MYO1D: variants seen among roughly 807,000 people sequenced by gnomAD.
MYO1D encodes unconventional myosin-Id.
In MYO1D, 83 loss-of-function variants were observed where a neutral mutation model predicts 122.0. That is an observed-to-expected ratio of 0.68 (90% CI 0.57 to 0.82). MYO1D has a LOEUF of 0.82. Ranked by LOEUF, MYO1D falls within the 40% of genes least tolerant of loss-of-function variation. MYO1D has a pLI of 0.00. For synonymous variants in MYO1D, 464 were observed against 446.9 expected, an observed-to-expected ratio of 1.04 and a Z score of -0.48; for missense variants, 1,157 against 1,269.5, an observed-to-expected ratio of 0.91 and a Z score of 1.35.
intron 20 of MYO1D, among the ~76,000 whole-genome samples, chr17:32,624,104 G>A (rs1296261607): frequency 2.6e-5 from 4 of 152,088 alleles, no homozygotes; most frequent in Non-Finnish European, 5.9e-5. Context: ...ATGTTTCCAA[G>A]GAGCCAAAAC....
intron 11 of MYO1D, among the ~76,000 whole-genome samples, chr17:32,753,905 A>G (rs1301353449): frequency 1.3e-5 from 2 of 152,140 alleles, no homozygotes; most frequent in Admixed American, 6.5e-5. Flanking sequence ...TCAAAAGAAA[A>G]AAAAAAAAAA....
At chr17:32,689,901 T>G (rs541396945) in intron 16 of MYO1D, among the ~76,000 whole-genome samples, 1 of 151,846 alleles carries the variant, frequency 6.6e-6, no homozygotes, top group Non-Finnish European at 1.5e-5. Context: ...AATTTTTGTA[T>G]TTTTAGTAGA....
Position 32,494,941 on chromosome 17 carries a change from G to A in MYO1D, c.2865-26C>T, listed in dbSNP as rs1176144198. On this transcript the variant is annotated intron_variant, in intron 21 of 21. Coordinates refer to ENST00000318217, the MANE Select transcript of MYO1D (RefSeq NM_015194.3). ...CTGCAGGAACCAAAAACACCAGACG[G>A]GCAGTTAGCAGGCAGCATGAGAACA... The A allele has an allele frequency of 1.3e-5, 21 of 1,573,214 alleles. No homozygotes were observed. In the South Asian group the frequency reaches 2.2e-4, roughly 16 times the overall value.
intron 1 of MYO1D, 49 bp downstream of exon 1, chr17:32,876,729 T>C (rs1280222003): frequency 9.0e-6 from 13 of 1,437,146 alleles, no homozygotes; most frequent in Non-Finnish European, 1.2e-5. Flanking sequence ...GCGCCCCCTC[T>C]CGGGAAAGCG....
chr17:32,762,982 G>A (rs1274621115), intron 8 of MYO1D, among the ~76,000 whole-genome samples: 1 of 151,466 alleles, frequency 6.6e-6, no homozygotes, highest in African/African-American at 2.4e-5. Flanking sequence ...GTCAGGAGAT[G>A]GAGACCATCC....
At chr17:32,524,986 A>C (rs1166145300) in intron 21 of MYO1D, among the ~76,000 whole-genome samples, 1 of 152,260 alleles carries the variant, frequency 6.6e-6, no homozygotes, top group Non-Finnish European at 1.5e-5. Flanking sequence ...TATAGGCATG[A>C]GCCACCACAC....
chr17:32,871,743 G>A (rs2091181864), intron 1 of MYO1D, among the ~76,000 whole-genome samples: 1 of 152,188 alleles, frequency 6.6e-6, no homozygotes, highest in South Asian at 2.1e-4. Context: ...TTCCTTTCAC[G>A]CACATGGCTG....
At chr17:32,760,653 G>A in intron 8 of MYO1D, 26 bp from the exon 9 acceptor site, 2 of 1,584,340 alleles carry the variant, frequency 1.3e-6, no homozygotes, top group East Asian at 2.2e-5. Flanking sequence ...CATCATAAAT[G>A]CTTGCCAATT....
intron 1 of MYO1D, among the ~76,000 whole-genome samples, chr17:32,808,676 T>A (rs777855982): frequency 9.9e-5 from 15 of 152,254 alleles, no homozygotes; most frequent in Non-Finnish European, 2.2e-4. Flanking sequence ...AGAGCCCTCA[T>A]GAATGAGACT....
intron 20 of MYO1D, among the ~76,000 whole-genome samples, chr17:32,638,036 G>A (rs963042175): frequency 2.6e-5 from 4 of 152,138 alleles, no homozygotes; most frequent in African/African-American, 9.7e-5. Context: ...ACAACTAACA[G>A]AGGAAAATCA....
intron 21 of MYO1D, among the ~76,000 whole-genome samples, chr17:32,589,901 G>T (rs145745080): frequency 3.5e-4 from 54 of 152,256 alleles, no homozygotes; most frequent in African/African-American, 1.3e-3. Flanking sequence ...ACCTGCCTTT[G>T]TAACTTCTAT....
intron 1 of MYO1D, among the ~76,000 whole-genome samples, chr17:32,829,611 G>A (rs1355960574): frequency 2.0e-5 from 3 of 152,162 alleles, no homozygotes; most frequent in African/African-American, 7.2e-5. Context: ...GTGCCACCAA[G>A]CGCAGCTAAT....
chr17:32,604,893 T>C (rs935819717), intron 21 of MYO1D, among the ~76,000 whole-genome samples, 194 bp downstream of exon 21: 3 of 152,222 alleles, frequency 2.0e-5, no homozygotes, highest in Non-Finnish European at 2.9e-5. Context: ...GCTGGAAAAG[T>C]AGAGGATCAT....
At chr17:32,544,039 C>G (rs971035862) in intron 21 of MYO1D, among the ~76,000 whole-genome samples, 21 of 151,518 alleles carry the variant, frequency 1.4e-4, no homozygotes, top group African/African-American at 5.1e-4. Context: ...GTGATCCACC[C>G]GCCTTGGCCT....
chr17:32,784,153 T>C (rs746450884), intron 1 of MYO1D, among the ~76,000 whole-genome samples: 1 of 152,218 alleles, frequency 6.6e-6, no homozygotes, highest in Non-Finnish European at 1.5e-5. Context: ...CGGGTTTCTG[T>C]TGACTTCCAT....
At chr17:32,738,535 G>T in intron 13 of MYO1D, 150 bp from the exon 14 acceptor site, 1 of 797,184 alleles carries the variant, frequency 1.3e-6, no homozygotes. Context: ...ATTCCATCCA[G>T]AAAATTATGC....
chr17:32,682,594 G>C (rs2088937127), intron 16 of MYO1D, among the ~76,000 whole-genome samples: 1 of 148,354 alleles, frequency 6.7e-6, no homozygotes, highest in African/African-American at 2.6e-5. Context: ...CTCTCTTCTG[G>C]CTTGTAGGGT....
intron 1 of MYO1D, among the ~76,000 whole-genome samples, chr17:32,874,675 T>G (rs1427395844): frequency 6.6e-6 from 1 of 152,114 alleles, no homozygotes; most frequent in African/African-American, 2.4e-5. Flanking sequence ...ATAATCCTAG[T>G]GCTTTGGGAG....
chr17:32,773,182 C>A (rs773901783), intron 4 of MYO1D, among the ~76,000 whole-genome samples: 3 of 152,164 alleles, frequency 2.0e-5, no homozygotes, highest in African/African-American at 7.2e-5. Flanking sequence ...AGGTAAGCGG[C>A]CTCTTTTTAC....
Sources: allele counts gnomAD v4.1 joint callset (sites outside exome capture counted in the v4.1 genomes callset), GRCh38; gene constraint gnomAD v4.1.1; transcripts MANE v1.5; gene names NCBI Gene and HGNC (gene_info 2026-07-23, HGNC 2026-07-21).